The following NEK7 variants were observed in gnomAD, a reference collection of about 807,000 sequenced individuals.
NEK7 encodes NIMA related kinase 7.
Under a neutral mutation model 44.6 loss-of-function variants are expected in NEK7, and 18 were observed. The ratio of observed to expected loss-of-function variants is 0.40; its 90% CI spans 0.28 to 0.60. The LOEUF is 0.60. NEK7 is among the 20% of genes least tolerant of loss of function. NEK7 has a pLI of 0.38. For missense variants in NEK7, 256 were observed against 366.5 expected (o/e 0.70, Z 2.46); for synonymous variants, 130 against 121.1 (o/e 1.07, Z -0.48).
intron 8 of NEK7, 148 bp downstream of exon 8, chr1:198,293,187 T>C: frequency 2.0e-6 from 1 of 509,650 alleles, no homozygotes; most frequent in Non-Finnish European, 3.4e-6. Context: ...TAACTTTGTA[T>C]AATGGAATTT....
intron 1 of NEK7, among the ~76,000 whole-genome samples, chr1:198,168,849 G>C (rs1481258458): frequency 6.6e-6 from 1 of 152,160 alleles, no homozygotes; most frequent in Admixed American, 6.6e-5. Flanking sequence ...AACCTAGATG[G>C]CAGTGGCAAT....
At chr1:198,158,964 A>G (rs1017971800) in intron 1 of NEK7, among the ~76,000 whole-genome samples, 8 of 152,062 alleles carry the variant, frequency 5.3e-5, no homozygotes, top group African/African-American at 1.4e-4. Flanking sequence ...GGTGAGAGGA[A>G]GGCCTGCGAA....
Position 198,321,177 on chromosome 1 carries a change from A to T in NEK7, c.*1655A>T, listed in dbSNP as rs1655524716. On this transcript the variant is annotated 3_prime_UTR_variant, in exon 10 of 10. Transcript: ENST00000367385. ...AATGCTTTCAAGCATTTGTAAACTT[A>T]AAAAATGTATAAAGGGCAAAAAGTC... 1 of 152,186 alleles carries T rather than the reference A, an allele frequency of 6.6e-6. No individual in the cohort carries two copies. Among genetic ancestry groups the T allele is most frequent in the Non-Finnish European group, 1.5e-5 (1 of 68,030 alleles). 9.4% of individuals were successfully genotyped at this position (152,186 alleles called of 1,614,324 possible).
intron 2 of NEK7, among the ~76,000 whole-genome samples, chr1:198,239,326 G>A (rs559178607): frequency 9.2e-5 from 14 of 151,980 alleles, no homozygotes; most frequent in South Asian, 4.2e-4. Context: ...GTGCCATTTC[G>A]AATTTTGGAC....
chr1:198,253,681 T>G (rs1653157044), intron 3 of NEK7, among the ~76,000 whole-genome samples: 1 of 152,150 alleles, frequency 6.6e-6, no homozygotes, highest in African/African-American at 2.4e-5. Flanking sequence ...CTTTAAAATC[T>G]CTTATTGTAT....
At chr1:198,314,426 C>A (rs1325228882) in intron 9 of NEK7, among the ~76,000 whole-genome samples, 1 of 152,242 alleles carries the variant, frequency 6.6e-6, no homozygotes, top group Non-Finnish European at 1.5e-5. Flanking sequence ...GTCTTCTTCT[C>A]TCAGCTTGTC....
chr1:198,173,132 C>G (rs1362210349), intron 1 of NEK7, among the ~76,000 whole-genome samples: 3 of 152,082 alleles, frequency 2.0e-5, no homozygotes, highest in Non-Finnish European at 4.4e-5. Context: ...TTCTTTCCCA[C>G]TTAAAAGTGC....
intron 1 of NEK7, among the ~76,000 whole-genome samples, chr1:198,209,035 GTGTATA>G (rs1665683537): frequency 1.1e-5 from 1 of 94,126 alleles, no homozygotes; most frequent in Non-Finnish European, 1.8e-5. Flanking sequence ...ATATGTGTGT[GTGTATA>G]TATATATATA....
intron 3 of NEK7, among the ~76,000 whole-genome samples, chr1:198,262,024 G>A (rs1653491645): frequency 6.6e-6 from 1 of 151,770 alleles, no homozygotes. Context: ...TATCACCCTT[G>A]TCAAGAATGC....
chr1:198,301,368 G>C (rs1387762246), intron 9 of NEK7, among the ~76,000 whole-genome samples: 1 of 152,056 alleles, frequency 6.6e-6, no homozygotes, highest in Non-Finnish European at 1.5e-5. Flanking sequence ...GGCTAACACG[G>C]TGAAACCCCG....
chr1:198,244,515 A>C (rs1373176141), intron 2 of NEK7, among the ~76,000 whole-genome samples: 1 of 152,202 alleles, frequency 6.6e-6, no homozygotes, highest in African/African-American at 2.4e-5. Context: ...TTTTATTTTC[A>C]AATGAAAAGT....
rs902545668 is a variant in NEK7 at position 198,256,665 on chromosome 1, A to C, written c.198+3485A>C. 5.7e-6 allele frequency: 4 copies of C among 698,506 alleles called. No homozygotes were observed. In the African/African-American group the frequency reaches 7.3e-5, roughly 13 times the overall value. 43.3% of individuals were successfully genotyped at this position (698,506 alleles called of 1,614,324 possible). A position where few individuals can be genotyped will look rare whatever the true frequency, so the allele number is the denominator to read the frequency against. On this transcript the variant is annotated intron_variant, in intron 3 of 9. Transcript: ENST00000367385. ...AGTGTCTAAGGCTTTAGGAAGATTA[A>C]GATAAACATAATGAGACTCATGGGA... is the stretch of plus-strand genomic sequence containing the variant.
At chr1:198,297,286 A>C in intron 9 of NEK7, 46 bp downstream of exon 9, 1 of 1,605,016 alleles carries the variant, frequency 6.2e-7, no homozygotes, top group Non-Finnish European at 8.5e-7. Flanking sequence ...CCATTTTGCT[A>C]ACATTTTTAT....
chr1:198,195,470 T>C (rs956400393), intron 1 of NEK7, among the ~76,000 whole-genome samples: 1 of 152,218 alleles, frequency 6.6e-6, no homozygotes, highest in African/African-American at 2.4e-5. Flanking sequence ...CTGTTTAATA[T>C]AAATAGAGAG....
At chr1:198,245,350 C>T (rs1286510080) in intron 2 of NEK7, 1 of 169,384 alleles carries the variant, frequency 5.9e-6, no homozygotes, top group East Asian at 1.9e-4. Flanking sequence ...CAGGACCCAA[C>T]ATGGTGCCTG....
intron 3 of NEK7, among the ~76,000 whole-genome samples, chr1:198,254,488 G>A (rs1172609111): frequency 6.6e-6 from 1 of 151,956 alleles, no homozygotes. Context: ...TTTTCACATA[G>A]CTTCGTGTTT....
intron 2 of NEK7, among the ~76,000 whole-genome samples, chr1:198,252,097 A>G (rs2102921406): frequency 6.6e-6 from 1 of 152,200 alleles, no homozygotes; most frequent in East Asian, 1.9e-4. Flanking sequence ...TTGGTTTCAA[A>G]GAACATCTTT....
At chr1:198,191,870 G>T (rs973843327) in intron 1 of NEK7, among the ~76,000 whole-genome samples, 1 of 151,976 alleles carries the variant, frequency 6.6e-6, no homozygotes, top group Middle Eastern at 3.2e-3. Flanking sequence ...CAGCTATCCT[G>T]ATACCATTGA....
At chr1:198,302,919 G>A (rs1654931338) in intron 9 of NEK7, among the ~76,000 whole-genome samples, 1 of 152,178 alleles carries the variant, frequency 6.6e-6, no homozygotes, top group South Asian at 2.1e-4. Context: ...TAAACTCTCA[G>A]GTGTTTTATG....
Sources: gnomAD v4.1 joint callset for allele counts (sites outside exome capture counted in the v4.1 genomes callset) on GRCh38, gnomAD v4.1.1 for gene constraint, MANE v1.5 for transcripts, NCBI Gene and HGNC (gene_info 2026-07-23, HGNC 2026-07-21) for gene names.